The following IL17RC variants were observed in gnomAD, a reference collection of about 807,000 sequenced individuals.
The protein encoded by IL17RC is interleukin-17 receptor C.
Under a neutral mutation model 86.7 loss-of-function variants are expected in IL17RC, and 53 were observed. The ratio of observed to expected loss-of-function variants is 0.61; its 90% confidence interval spans 0.49 to 0.77. The LOEUF (loss-of-function observed/expected upper bound fraction) is 0.77, where lower values mean the gene tolerates loss of function less well. Among genes scored for constraint, IL17RC ranks in the 30% least tolerant of loss-of-function variants. The pLI is 0.00. For missense variants in IL17RC, 957 were observed against 940.0 expected, an observed-to-expected ratio of 1.02 and a Z score of -0.24; for synonymous variants, 439 against 413.1, an observed-to-expected ratio of 1.06 and a Z score of -0.76.
At chr3:9,932,748 T>A in intron 17 of IL17RC, 45 bp downstream of exon 17, 1 of 1,607,658 alleles carries the variant, frequency 6.2e-7, no homozygotes. Context: ...AGGACCAGAG[T>A]GGCTGTGGGA....
At position 9,932,726 on chromosome 3, in the gene IL17RC, T is replaced by C. The variant is rs749019971; in HGVS notation, c.1483+23T>C. 3.1e-6 allele frequency: 5 copies of C among 1,612,544 alleles called. No individual in the cohort carries two copies. In the East Asian group the frequency reaches 8.9e-5, roughly 29 times the overall value. On this transcript the variant is annotated intron_variant, in intron 17 of 18. Transcript: ENST00000403601. ...AAGGTGAGCGCTTCCCGGCTCCCCA[T>C]TCCCCTGGGGGAGGACCAGAGTGGC... is the stretch of plus-strand genomic sequence containing the variant.
chr3:9,932,853 C>T lies in IL17RC; in HGVS notation c.1517C>T (p.Ser506Leu). The T allele has an allele frequency of 1.9e-6, 3 of 1,568,918 alleles. No homozygotes were observed. The highest frequency in any genetic ancestry group is 2.6e-6 in the Non-Finnish European group (3 of 1,162,434). Residue 506 changes from serine (S) to leucine (L), a missense_variant, in exon 18 of 19, where the codon TCG becomes TTG. By Grantham distance (145) the Ser-to-Leu change is moderately radical. Coordinates refer to ENST00000403601, the MANE Select transcript of IL17RC (RefSeq NM_153460.4). ...AGGCTCTTGAAACAGGACGTCCGCT[C>T]GGGGGGTGAGTGGGAGCAAGCGCTG... ...WLRLLKQDVRSGAAARGRAAL... is the reference protein window; with the variant it reads ...WLRLLKQDVRLGAAARGRAAL...
intron 12 of IL17RC, 56 bp downstream of exon 12, chr3:9,928,686 GCCAA>G: frequency 1.3e-6 from 2 of 1,569,318 alleles, no homozygotes; most frequent in Non-Finnish European, 1.7e-6. Flanking sequence ...AGACCCCCCA[GCCAA>G]GGGGGTCTTA....
chr3:9,918,583 G>T lies in IL17RC; in HGVS notation c.439G>T (p.Ala147Ser), dbSNP rs993345457. The change falls in exon 5 of 19, where the codon GCC (alanine) becomes TCC (serine). Residue 147 changes from alanine (A) to serine (S), a missense_variant. Coordinates refer to ENST00000403601, the MANE Select transcript of IL17RC (RefSeq NM_153460.4). ...CCTGCTGGAGGTGCAAGTGCCTGCT[G>T]CCCTTGTGCAGTTTGGTCAGTCTGT... ...CVLLEVQVPAALVQFGQSVGS... is the reference protein window; with the variant it reads ...CVLLEVQVPASLVQFGQSVGS... 1 of 1,613,814 alleles carries T rather than the reference G, an allele frequency of 6.2e-7. No individual in the cohort carries two copies. Among genetic ancestry groups the T allele is most frequent in the Admixed American group, 1.7e-5 (1 of 60,004 alleles).
rs754366284 is a variant in IL17RC, at chr3:9,933,506, G to A, written c.2076G>A (p.Leu692=). ...EQVSRALQPA[L]DSYFHPPGTP... ...TGTCCCGGGCCCTTCAGCCAGCCCT[G>A]GATAGCTACTTCCATCCCCCGGGGA... Residue 692 remains leucine (L), a synonymous_variant, in exon 19 of 19, where the codon CTG becomes CTA. Transcript: ENST00000403601. 3.7e-6 allele frequency: 6 copies of A among 1,610,922 alleles called. 1 individual carries two copies. The African/African-American group carries it at 6.7e-5, about 18-fold the overall frequency.
intron 16 of IL17RC, among the ~76,000 whole-genome samples, chr3:9,931,470 C>CACACACACACACACACACACACACATAT (rs750351615): frequency 4.6e-5 from 2 of 43,728 alleles, no homozygotes; most frequent in Admixed American, 2.9e-4. Flanking sequence ...CACACACACA[C>CACACACACACACACACACACACACATAT]ATATATATAT....
At chr3:9,929,956 C>T (rs1575593727) in intron 13 of IL17RC, 59 bp downstream of exon 13, 1 of 1,613,698 alleles carries the variant, frequency 6.2e-7, no homozygotes, top group African/African-American at 1.3e-5. Context: ...AAGGTCAGGG[C>T]ATGGGAGGCA....
intron 7 of IL17RC, among the ~76,000 whole-genome samples, chr3:9,923,148 G>C (rs1176455040): frequency 1.4e-5 from 2 of 146,058 alleles, no homozygotes; most frequent in Admixed American, 1.4e-4. Flanking sequence ...CTGCACTCCA[G>C]CCTGGGCGAC....
chr3:9,924,106 G>A, intron 8 of IL17RC, 86 bp downstream of exon 8: 41 of 1,609,738 alleles, frequency 2.5e-5, no homozygotes, highest in Non-Finnish European at 3.5e-5. Context: ...GAGGATCCTT[G>A]AAGAGGACTC....
At position 9,930,149 on chromosome 3, in the gene IL17RC, G is replaced by A. The variant is rs769235381; in HGVS notation, c.1278G>A (p.Thr426=). The change falls in exon 14 of 19, where the codon ACG becomes ACA. Residue 426 remains threonine, a splice_region_variant and synonymous_variant. Coordinates refer to ENST00000403601, the MANE Select transcript of IL17RC (RefSeq NM_153460.4). This position sits in a 1 kb window ranked among gnomAD's most constrained non-coding sequence, Gnocchi z 5.8. The part of the protein sequence containing the change: ...GCTSLPSKAS[T]RAARLGEYLL... ...CTTCACTACCCAGCAAAGCCTCCAC[G>A]GTTAGGACTGGGCGACCCTCCTCCA... 29 of 1,613,804 alleles carry A rather than the reference G, an allele frequency of 1.8e-5. 1 individual carries two copies. The highest frequency in any genetic ancestry group is 4.0e-5 in the African/African-American group (3 of 74,894).
At position 9,917,101 on chromosome 3, in the gene IL17RC, A is replaced by T; in HGVS notation, c.-215A>T. On this transcript the variant is annotated 5_prime_UTR_variant, in exon 1 of 19. Transcript: ENST00000403601. ...AGCCAGCAGCCTGCCGGGAGCCAAA[A>T]CGAAAGCACTCCGTGCTGGAAGTAG... 3 of 562,922 alleles carry T rather than the reference A, an allele frequency of 5.3e-6. No homozygotes were observed. Among genetic ancestry groups the T allele is most frequent in the East Asian group, 2.9e-5 (1 of 34,036 alleles). The allele number at this position is 562,922 out of a possible 1,614,324, so 34.9% of individuals were successfully genotyped here.
chr3:9,921,136 TCTGTGCTAAGCA>T (rs1173442407), intron 7 of IL17RC, among the ~76,000 whole-genome samples, 167 bp downstream of exon 7: 1 of 152,226 alleles, frequency 6.6e-6, no homozygotes, highest in African/African-American at 2.4e-5. Flanking sequence ...AATTGCAGTA[TCTGTGCTAAGCA>T]CTGGAAATAG....
In IL17RC at chr3:9,920,583, CCA is replaced by C. The variant is rs2083455883; in HGVS notation, c.565_566del (p.Gln189AlafsTer4). The C allele has an allele frequency of 6.2e-7, 1 of 1,604,708 alleles. No homozygotes were observed. The highest frequency in any genetic ancestry group is 8.5e-7 in the Non-Finnish European group (1 of 1,174,480). ...TQPRYEKELN[H>X]TQQLPDCRGL... ...AGCCCAGGTACGAGAAGGAACTCAA[CCA>C]CACACAGCAGCTGCCTGGTAAGTGG... On this transcript the variant is annotated frameshift_variant, in exon 6 of 19. Transcript: ENST00000403601. LOFTEE classifies it high-confidence loss of function.
At chr3:9,927,537 A>G (rs1200222926) in intron 9 of IL17RC, among the ~76,000 whole-genome samples, 6 of 150,060 alleles carry the variant, frequency 4.0e-5, no homozygotes, top group Admixed American at 6.6e-5. Context: ...CAGCCTGGGC[A>G]ACAGAGTGAG....
rs1037545081 is a variant in IL17RC at position 9,930,515 on chromosome 3, C to A, written c.1338+56C>A. The stretch of plus-strand genomic sequence containing the variant: ...ATGCCTAGGGGCAACAGGCCTAAAA[C>A]TAGCACTCACCTACTGTCTATTTAG... On this transcript the variant is annotated intron_variant, in intron 15 of 18. Coordinates refer to ENST00000403601, the MANE Select transcript of IL17RC (RefSeq NM_153460.4). The surrounding 1 kb of genome is among the most constrained non-coding windows in gnomAD (Gnocchi z 5.8). 15 of 1,521,138 alleles carry A rather than the reference C, an allele frequency of 9.9e-6. No individual in the cohort carries two copies. The highest frequency in any genetic ancestry group is 9.1e-6 in the Non-Finnish European group (10 of 1,098,534). The allele number at this position is 1,521,138 out of a possible 1,614,324, so 94.2% of individuals were successfully genotyped here. A position where few individuals can be genotyped will look rare whatever the true frequency, so the allele number is the denominator to read the frequency against.
At position 9,917,164 on chromosome 3, in the gene IL17RC, A is replaced by T; in HGVS notation, c.-152A>T. On this transcript the variant is annotated 5_prime_UTR_variant, in exon 1 of 19. Coordinates refer to ENST00000403601, the MANE Select transcript of IL17RC (RefSeq NM_153460.4). Reference sequence around the variant, plus strand: ...GACTCCCAGGACAGAGAGTGCACAAACTACCCAGCACAGCCCCCTCCGCCC... The same window carrying T: ...GACTCCCAGGACAGAGAGTGCACAATCTACCCAGCACAGCCCCCTCCGCCC... 1 of 625,422 alleles carries T rather than the reference A, an allele frequency of 1.6e-6. No homozygotes were observed. Among genetic ancestry groups the T allele is most frequent in the South Asian group, 2.0e-5 (1 of 50,558 alleles). The allele number at this position is 625,422 out of a possible 1,614,324, so 38.7% of individuals were successfully genotyped here.
At chr3:9,929,090 A>G (rs9681356) in intron 12 of IL17RC, 38 of 159,310 alleles carry the variant, frequency 2.4e-4, no homozygotes, top group East Asian at 1.7e-3. Context: ...CGAGGCGGGC[A>G]GATCACGAGG....
intron 12 of IL17RC, 144 bp downstream of exon 12, chr3:9,928,774 C>G (rs77850225): frequency 6.2e-6 from 5 of 810,020 alleles, no homozygotes; most frequent in Non-Finnish European, 1.0e-5. Flanking sequence ...TAGTAGTGCG[C>G]GGGACCCTGG....
intron 3 of IL17RC, 61 bp downstream of exon 3, chr3:9,918,136 AG>A (rs927383096): frequency 8.6e-6 from 13 of 1,517,580 alleles, no homozygotes; most frequent in Non-Finnish European, 1.2e-5. Flanking sequence ...GGTGGGCATG[AG>A]GGCCAGGGGA....
Sources: allele counts gnomAD v4.1 joint callset (sites outside exome capture counted in the v4.1 genomes callset), GRCh38; gene constraint gnomAD v4.1.1; non-coding constraint Gnocchi (gnomAD v3.1); transcripts MANE v1.5; gene names NCBI Gene and HGNC (gene_info 2026-07-23, HGNC 2026-07-21).